Variants in DLGAP5 observed in about 807,000 individuals in gnomAD.
DLGAP5 encodes disks large-associated protein 5.
DLGAP5 carries 90 observed loss-of-function variants against 99.6 expected under a neutral mutation model. That is an observed-to-expected ratio of 0.90 (90% CI 0.76 to 1.08). DLGAP5 has a LOEUF of 1.08. DLGAP5 is among the 50% of genes least tolerant of loss of function. The pLI, the probability that DLGAP5 is intolerant of heterozygous loss-of-function variation, is 0.00. For missense variants in DLGAP5, 1,036 were observed against 983.5 expected, an observed-to-expected ratio of 1.05 and a Z score of -0.71; for synonymous variants, 311 against 321.3, an observed-to-expected ratio of 0.97 and a Z score of 0.34.
intron 10 of DLGAP5, among the ~76,000 whole-genome samples, chr14:55,171,860 A>C (rs1023649498): frequency 1.3e-5 from 2 of 152,228 alleles, no homozygotes; most frequent in African/African-American, 4.8e-5. Flanking sequence ...AGCCAGTAAA[A>C]CAAGACAAAT....
rs540044309 is a variant in DLGAP5 at position 55,154,128 on chromosome 14, C to G, written c.2063+489G>C. 2.2e-4 allele frequency among the ~76,000 whole-genome samples: 33 copies of G among 152,276 alleles called. No homozygotes were observed. In the East Asian group the frequency reaches 3.5e-3, roughly 16 times the overall value. The stretch of plus-strand genomic sequence containing the variant: ...TGTTCAGTACACATTAACTCCCCCC[C>G]CTTCAATATGCTCTGCCATCTGTCA... On this transcript the variant is annotated intron_variant, in intron 15 of 18. Coordinates refer to ENST00000247191, the MANE Select transcript of DLGAP5 (RefSeq NM_014750.5).
At chr14:55,184,052 T>C (rs968914986) in intron 2 of DLGAP5, among the ~76,000 whole-genome samples, 4 of 150,832 alleles carry the variant, frequency 2.7e-5, no homozygotes, top group African/African-American at 9.8e-5. Flanking sequence ...ATTCGGGAGG[T>C]TGAGGTAGGA....
intron 13 of DLGAP5, among the ~76,000 whole-genome samples, chr14:55,159,013 A>C (rs1882315465): frequency 6.6e-6 from 1 of 151,450 alleles, no homozygotes. Context: ...AAATAAATTT[A>C]GGGGACATCC....
intron 12 of DLGAP5, among the ~76,000 whole-genome samples, chr14:55,163,906 T>C (rs1882539146): frequency 1.3e-5 from 2 of 152,236 alleles, no homozygotes; most frequent in South Asian, 2.1e-4. Context: ...TTAAGAGCTC[T>C]TTGTATCTTT....
intron 14 of DLGAP5, among the ~76,000 whole-genome samples, chr14:55,158,059 A>G (rs1440302187): frequency 1.3e-5 from 2 of 152,228 alleles, no homozygotes; most frequent in East Asian, 3.8e-4. Context: ...CAACACACAC[A>G]GCACATAAGC....
In DLGAP5 at chr14:55,150,811, G is replaced by A. The variant is rs1189540894; in HGVS notation, c.2406C>T (p.His802=). 6.3e-7 allele frequency: 1 copy of A among 1,576,852 alleles called. No homozygotes were observed. The highest frequency in any genetic ancestry group is 1.4e-5 in the African/African-American group (1 of 71,890). ...FDNKSLTTEC[H]LLDSPGLNCS... ...TTGGAAAACTTACTGAATCAAGAAG[G>A]TGGCATTCAGTAGTGAGACTTTTAT... is the stretch of plus-strand genomic sequence containing the variant. The change falls in exon 18 of 19, where the codon CAC becomes CAT. Residue 802 remains histidine, a synonymous_variant. Coordinates refer to ENST00000247191, the MANE Select transcript of DLGAP5 (RefSeq NM_014750.5).
intron 7 of DLGAP5, among the ~76,000 whole-genome samples, chr14:55,177,597 G>A (rs950967624): frequency 4.6e-5 from 7 of 150,704 alleles, no homozygotes; most frequent in Admixed American, 2.0e-4. Context: ...GAGTGCAGTC[G>A]CGCGATCTCG....
intron 2 of DLGAP5, among the ~76,000 whole-genome samples, chr14:55,188,509 A>C (rs759608074): frequency 6.6e-6 from 1 of 152,144 alleles, no homozygotes; most frequent in Non-Finnish European, 1.5e-5. Context: ...ATCCTACCCA[A>C]GCTCCGTAAG....
chr14:55,170,919 T>C (rs1192305784), intron 10 of DLGAP5, 132 bp from the exon 11 acceptor site: 2 of 627,576 alleles, frequency 3.2e-6, no homozygotes, highest in Non-Finnish European at 5.6e-6. Context: ...AAGTTGATAC[T>C]GAATTATTTA....
chr14:55,189,334 A>AAGATTATC (rs1883534394), intron 1 of DLGAP5, among the ~76,000 whole-genome samples, 154 bp from the exon 2 acceptor site: 1 of 152,258 alleles, frequency 6.6e-6, no homozygotes, highest in Non-Finnish European at 1.5e-5. Context: ...AAGTGAGAAG[A>AAGATTATC]AGATTATCAG....
intron 2 of DLGAP5, 144 bp downstream of exon 2, chr14:55,188,798 A>G: frequency 1.6e-6 from 1 of 618,650 alleles, no homozygotes; most frequent in East Asian, 3.1e-5. Context: ...AAAAAAAAAA[A>G]AAAGGAAAAA....
At chr14:55,161,766 T>C (rs1439170311) in intron 13 of DLGAP5, among the ~76,000 whole-genome samples, 2 of 147,858 alleles carry the variant, frequency 1.4e-5, no homozygotes, top group Non-Finnish European at 1.5e-5. Flanking sequence ...TCCCAGCACT[T>C]TGGAGGCTGA....
chr14:55,181,150 ACT>A, intron 5 of DLGAP5, 61 bp downstream of exon 5: 1 of 1,471,432 alleles, frequency 6.8e-7, no homozygotes, highest in Non-Finnish European at 9.4e-7. Context: ...CCTTCAAGAC[ACT>A]TAAAAAAAAT....
At chr14:55,165,590 A>G (rs540166963) in intron 12 of DLGAP5, among the ~76,000 whole-genome samples, 1 of 152,236 alleles carries the variant, frequency 6.6e-6, no homozygotes, top group Admixed American at 6.5e-5. Flanking sequence ...TAGGATGGCT[A>G]TGCAACAATT....
At chr14:55,149,512 CTAAG>C (rs1395165495) in intron 18 of DLGAP5, among the ~76,000 whole-genome samples, 3 of 151,944 alleles carry the variant, frequency 2.0e-5, no homozygotes, top group Non-Finnish European at 4.4e-5. Flanking sequence ...CTTATGGAAG[CTAAG>C]TATTTGCCAG....
At chr14:55,167,908 T>C (rs575247031) in intron 12 of DLGAP5, among the ~76,000 whole-genome samples, 16 of 152,172 alleles carry the variant, frequency 1.1e-4, no homozygotes, top group Non-Finnish European at 2.1e-4. Flanking sequence ...TACATAACAG[T>C]ATCTAATTAT....
intron 12 of DLGAP5, 52 bp downstream of exon 12, chr14:55,169,342 TAAAAA>T (rs61278586): frequency 2.2e-3 from 1,870 of 869,234 alleles, no homozygotes; most frequent in Middle Eastern, 5.0e-3. Context: ...TCCTGCTACT[TAAAAA>T]AAAAAAAAAA....
rs1257012274 is a variant in DLGAP5 at position 55,186,445 on chromosome 14, CAAGT to C, written c.238+2493_238+2496del. Reference sequence around the variant, plus strand: ...CCATCTGTTTACTTAAATCAAGAACCAAGTAAGAGCAACACGTTTTATTTGAATG... The same window carrying C: ...CCATCTGTTTACTTAAATCAAGAACCAAGAGCAACACGTTTTATTTGAATG... On this transcript the variant is annotated intron_variant, in intron 2 of 18. Transcript: ENST00000247191. 5.9e-5 allele frequency among the ~76,000 whole-genome samples: 9 copies of C among 152,248 alleles called. No individual in the cohort carries two copies. The East Asian group carries it at 9.6e-4, about 16-fold the overall frequency.
At chr14:55,164,076 C>G (rs750292029) in intron 12 of DLGAP5, among the ~76,000 whole-genome samples, 2 of 152,116 alleles carry the variant, frequency 1.3e-5, no homozygotes, top group African/African-American at 4.8e-5. Flanking sequence ...CAGTCTCCTA[C>G]GAAGAGTTAC....
Sources: allele counts gnomAD v4.1 joint callset (sites outside exome capture counted in the v4.1 genomes callset), GRCh38; gene constraint gnomAD v4.1.1; transcripts MANE v1.5; gene names NCBI Gene and HGNC (gene_info 2026-07-23, HGNC 2026-07-21).